Variants in NEGR1 observed in about 807,000 individuals in gnomAD.
NEGR1 encodes IgLON family member 4.
Under a neutral mutation model 40.9 loss-of-function variants are expected in NEGR1, and 10 were observed. That is an observed-to-expected ratio of 0.24 (90% confidence interval 0.15 to 0.42). NEGR1 has a LOEUF of 0.42. Ranked by LOEUF, NEGR1 falls within the 10% of genes least tolerant of loss-of-function variation. The pLI, the probability that NEGR1 is intolerant of heterozygous loss-of-function variation, is 1.00. For synonymous variants in NEGR1, 185 were observed against 166.8 expected (o/e 1.11, Z -0.84); for missense variants, 352 against 438.9 (o/e 0.80, Z 1.77).
At chr1:71,996,796 T>A (rs909926838) in intron 1 of NEGR1, among the ~76,000 whole-genome samples, 2 of 152,106 alleles carry the variant, frequency 1.3e-5, no homozygotes, top group African/African-American at 2.4e-5. Flanking sequence ...CGTACACACC[T>A]TTCACTTTTT....
At chr1:71,495,289 G>A (rs957106605) in intron 6 of NEGR1, among the ~76,000 whole-genome samples, 1 of 151,832 alleles carries the variant, frequency 6.6e-6, no homozygotes. Context: ...GACCAGCTTG[G>A]GCAACATGGT....
At chr1:71,897,534 C>G (rs1661006449) in intron 2 of NEGR1, among the ~76,000 whole-genome samples, 1 of 151,960 alleles carries the variant, frequency 6.6e-6, no homozygotes, top group Non-Finnish European at 1.5e-5. Flanking sequence ...GGGCTTGTGA[C>G]AAATGAAATT....
At chr1:72,103,787 G>C (rs1194566713) in intron 1 of NEGR1, among the ~76,000 whole-genome samples, 1 of 151,990 alleles carries the variant, frequency 6.6e-6, no homozygotes, top group African/African-American at 2.4e-5. Flanking sequence ...CCCTAGTAGG[G>C]AAGTGGGGTG....
At position 72,145,942 on chromosome 1, in the gene NEGR1, T is replaced by C. The variant is rs1257001249; in HGVS notation, c.176+136377A>G. Among the ~76,000 whole-genome samples the C allele has an allele frequency of 2.0e-5, 3 of 152,200 alleles. No homozygotes were observed. The South Asian group carries it at 6.2e-4, about 31-fold the overall frequency. ...TGTTTTGGATATGAATTACATACCTTATAGTTTTTCTTTAAAAGTTAAAGG... is the reference window on the plus strand; with the variant it reads ...TGTTTTGGATATGAATTACATACCTCATAGTTTTTCTTTAAAAGTTAAAGG... On this transcript the variant is annotated intron_variant, in intron 1 of 6. Coordinates refer to ENST00000357731, the MANE Select transcript of NEGR1 (RefSeq NM_173808.3).
chr1:72,190,953 G>C (rs1229846635), intron 1 of NEGR1, among the ~76,000 whole-genome samples: 1 of 151,482 alleles, frequency 6.6e-6, no homozygotes, highest in Non-Finnish European at 1.5e-5. Context: ...CATGGATTCT[G>C]CTACTTATTT....
chr1:71,904,474 A>T (rs539335037), intron 2 of NEGR1, among the ~76,000 whole-genome samples: 122 of 152,276 alleles, frequency 8.0e-4, no homozygotes, highest in African/African-American at 2.9e-3. Context: ...CTGATAAAGT[A>T]ATATACACTT....
At chr1:72,171,674 TAA>T (rs888215863) in intron 1 of NEGR1, among the ~76,000 whole-genome samples, 5 of 152,124 alleles carry the variant, frequency 3.3e-5, no homozygotes, top group African/African-American at 7.2e-5. Flanking sequence ...ATGTGAAAAA[TAA>T]GTTATGTATA....
chr1:71,507,251 C>T (rs1647041803), intron 6 of NEGR1, among the ~76,000 whole-genome samples: 1 of 152,062 alleles, frequency 6.6e-6, no homozygotes, highest in Non-Finnish European at 1.5e-5. Flanking sequence ...CCCAGACATC[C>T]CTAAAGTAGT....
chr1:71,955,012 A>G (rs1027980878), intron 1 of NEGR1, among the ~76,000 whole-genome samples: 2 of 152,208 alleles, frequency 1.3e-5, no homozygotes, highest in African/African-American at 4.8e-5. Flanking sequence ...GAAAATTAAT[A>G]GTTTAAAGCA....
chr1:71,792,185 G>A lies in NEGR1; in HGVS notation c.410-15888C>T, dbSNP rs537323709. On this transcript the variant is annotated intron_variant, in intron 2 of 6. Transcript: ENST00000357731. ...GTTTAATTCTTGGAATGGAAAGAAC[G>A]TTTGATTAATATCTTTGTGGGAGGG... 1.2e-4 allele frequency among the ~76,000 whole-genome samples: 18 copies of A among 152,168 alleles called. 1 individual carries two copies. The South Asian group carries it at 3.7e-3, about 32-fold the overall frequency.
intron 4 of NEGR1, among the ~76,000 whole-genome samples, chr1:71,668,127 AT>A (rs1310415405): frequency 6.6e-6 from 1 of 152,114 alleles, no homozygotes; most frequent in Non-Finnish European, 1.5e-5. Context: ...TTAACTAAAT[AT>A]TTTCCTGATA....
At chr1:72,070,554 T>C (rs534554590) in intron 1 of NEGR1, among the ~76,000 whole-genome samples, 2 of 152,148 alleles carry the variant, frequency 1.3e-5, no homozygotes, top group South Asian at 2.1e-4. Flanking sequence ...GTAATAAAAA[T>C]GTATAGATTC....
intron 1 of NEGR1, among the ~76,000 whole-genome samples, chr1:72,266,821 T>A (rs1301772835): frequency 2.0e-5 from 3 of 148,690 alleles, no homozygotes; most frequent in African/African-American, 7.4e-5. Flanking sequence ...TAAATAGAAC[T>A]TGAAAATTAT....
At chr1:71,464,004 G>T (rs938570905) in intron 6 of NEGR1, among the ~76,000 whole-genome samples, 12 of 152,110 alleles carry the variant, frequency 7.9e-5, no homozygotes, top group Non-Finnish European at 1.3e-4. Flanking sequence ...CATGGAAAAG[G>T]TTGGAGTTAG....
chr1:71,797,142 A>G (rs1443539914), intron 2 of NEGR1, among the ~76,000 whole-genome samples: 4 of 152,260 alleles, frequency 2.6e-5, no homozygotes, highest in African/African-American at 9.6e-5. Flanking sequence ...TATGTGTGAA[A>G]CACTGTGCTA....
chr1:71,456,898 G>A (rs1646676719), intron 6 of NEGR1, among the ~76,000 whole-genome samples: 1 of 152,160 alleles, frequency 6.6e-6, no homozygotes, highest in Non-Finnish European at 1.5e-5. Context: ...CCAGTTGGGT[G>A]AAATGGGATG....
chr1:71,879,189 A>G (rs1022185753), intron 2 of NEGR1, among the ~76,000 whole-genome samples: 2 of 151,766 alleles, frequency 1.3e-5, no homozygotes, highest in Non-Finnish European at 2.9e-5. Context: ...TCTATTTGCC[A>G]TCAAAAAAAA....
At chr1:72,117,291 A>G (rs1649618599) in intron 1 of NEGR1, among the ~76,000 whole-genome samples, 1 of 150,938 alleles carries the variant, frequency 6.6e-6, no homozygotes, top group Non-Finnish European at 1.5e-5. Context: ...ATGTTTATGC[A>G]TTTTTGTTTG....
At chr1:72,270,166 A>G (rs1331618978) in intron 1 of NEGR1, among the ~76,000 whole-genome samples, 1 of 151,964 alleles carries the variant, frequency 6.6e-6, no homozygotes, top group Non-Finnish European at 1.5e-5. Context: ...CTACTTGGCT[A>G]TAAGAGTGGG....
Sources: allele counts gnomAD v4.1 joint callset (sites outside exome capture counted in the v4.1 genomes callset), GRCh38; gene constraint gnomAD v4.1.1; transcripts MANE v1.5; gene names NCBI Gene and HGNC (gene_info 2026-07-23, HGNC 2026-07-21).